Variants in MCM7 observed in about 807,000 individuals in gnomAD.
MCM7 encodes DNA replication licensing factor MCM7.
In MCM7, 95 loss-of-function variants were observed where a neutral mutation model predicts 83.5. The ratio of observed to expected loss-of-function variants is 1.14; its 90% CI spans 0.96 to 1.35. The LOEUF is 1.35. Among genes scored for constraint, MCM7 ranks in the 40% most tolerant of loss-of-function variants. The probability of loss-of-function intolerance (pLI) is 0.00; values close to 1 mark genes in which losing one functional copy is unlikely to be tolerated. For synonymous variants in MCM7, 461 were observed against 352.7 expected (o/e 1.31, Z -3.44); for missense variants, 1,087 against 957.4 (o/e 1.14, Z -1.79).
intron 11 of MCM7, 97 bp downstream of exon 11, chr7:100,095,677 T>C: frequency 1.4e-6 from 2 of 1,466,278 alleles, no homozygotes; most frequent in Non-Finnish European, 1.8e-6. Context: ...GGCTCTGGGG[T>C]TTCCAGGAGC....
Position 100,092,896 on chromosome 7 carries a change from G to T in MCM7, c.*36C>A, listed in dbSNP as rs369438938. 1 of 1,612,794 alleles carries T rather than the reference G, an allele frequency of 6.2e-7. No individual in the cohort carries two copies. Among genetic ancestry groups the T allele is most frequent in the South Asian group, 1.1e-5 (1 of 90,998 alleles). On this transcript the variant is annotated 3_prime_UTR_variant, in exon 15 of 15. Transcript: ENST00000303887. ...CCTTCCCAAGGGGCAGGCCAGCAGG[G>T]AACAAGAGGACCCCAGGGTTGCAAG... is the stretch of plus-strand genomic sequence containing the variant.
chr7:100,098,131 T>C lies in MCM7; in HGVS notation c.870+10A>G, dbSNP rs1795743912. ...GGATGATCCATTCCTCATGTCAAAC[T>C]CTTCCTTACCTGTACCACCTGTCGG... On this transcript the variant is annotated intron_variant, in intron 7 of 14. Transcript: ENST00000303887. 1 of 1,613,622 alleles carries C rather than the reference T, an allele frequency of 6.2e-7. No homozygotes were observed. Among genetic ancestry groups the C allele is most frequent in the Non-Finnish European group, 8.5e-7 (1 of 1,179,762 alleles).
At chr7:100,101,167 C>T in intron 1 of MCM7, 97 bp downstream of exon 1, 1 of 1,516,776 alleles carries the variant, frequency 6.6e-7, no homozygotes, top group Non-Finnish European at 9.1e-7. Context: ...CCCCAGAACC[C>T]GCCGACCCCG....
At chr7:100,098,773 T>C in intron 5 of MCM7, 58 bp from the exon 6 acceptor site, 1 of 1,600,234 alleles carries the variant, frequency 6.2e-7, no homozygotes, top group Non-Finnish European at 8.5e-7. Flanking sequence ...CCCCATTGGG[T>C]CGGTCCTTTG....
Position 100,094,345 on chromosome 7 carries a change from T to G in MCM7, c.1680-4A>C. The G allele has an allele frequency of 6.2e-7, 1 of 1,613,732 alleles. No individual in the cohort carries two copies. Among genetic ancestry groups the G allele is most frequent in the Non-Finnish European group, 8.5e-7 (1 of 1,179,966 alleles). On this transcript the variant is annotated splice_polypyrimidine_tract_variant and splice_region_variant and intron_variant, in intron 12 of 14. Transcript: ENST00000303887. ...GCGGCACATGGCTATGTAACGCCTG[T>G]GGGGGAAGGTTCATGGGGAAGCAGA...
Position 100,092,914 on chromosome 7 carries a change from G to A in MCM7, c.*18C>T, listed in dbSNP as rs557888704. 6.2e-7 allele frequency: 1 copy of A among 1,614,142 alleles called. No individual in the cohort carries two copies. Among genetic ancestry groups the A allele is most frequent in the East Asian group, 2.2e-5 (1 of 44,886 alleles). ...CAGCAGGGAACAAGAGGACCCCAGG[G>A]TTGCAAGCAGGCTGGAATCAGACAA... is the stretch of plus-strand genomic sequence containing the variant. On this transcript the variant is annotated 3_prime_UTR_variant, in exon 15 of 15. Transcript: ENST00000303887.
chr7:100,093,918 CAG>C, intron 13 of MCM7: 1 of 695,766 alleles, frequency 1.4e-6, no homozygotes. Flanking sequence ...TGGAGTGAAA[CAG>C]ACCCCAACCA....
rs1562896835 is a variant in MCM7, at chr7:100,097,884, T to G, written c.935A>C (p.Asp312Ala). ...GGTGAGCTCTCCAGCCCCAGACTCA[T>G]CATCCTCACTCTTGTTCATCTTCAC... The part of the protein sequence containing the change: ...RIVKMNKSED[D>A]ESGAGELTRE... The change falls in exon 8 of 15, where the codon GAT becomes GCT. Residue 312 changes from aspartate (D) to alanine (A), a missense_variant. By Grantham distance (126) the Asp-to-Ala change is moderately radical (BLOSUM62 -2). Transcript: ENST00000303887. The G allele has an allele frequency of 1.2e-6, 2 of 1,614,188 alleles. No individual in the cohort carries two copies. Among genetic ancestry groups the G allele is most frequent in the Admixed American group, 3.3e-5 (2 of 60,008 alleles).
intron 13 of MCM7, 187 bp downstream of exon 13, chr7:100,093,986 T>C (rs752156486): frequency 3.7e-6 from 3 of 804,224 alleles, no homozygotes; most frequent in African/African-American, 1.7e-5. Context: ...ACGGACGCTG[T>C]GCGTGCCCTG....
intron 3 of MCM7, 27 bp from the exon 4 acceptor site, chr7:100,099,430 A>C: frequency 6.3e-7 from 1 of 1,588,686 alleles, no homozygotes; most frequent in Non-Finnish European, 8.5e-7. Flanking sequence ...AAAAAAAAAA[A>C]AAAAAAGAGC....
intron 10 of MCM7, 66 bp from the exon 11 acceptor site, chr7:100,096,233 C>T: frequency 6.8e-7 from 1 of 1,480,244 alleles, no homozygotes; most frequent in Non-Finnish European, 9.0e-7. Context: ...CAAAAGACAA[C>T]AAACGGGCCA....
Position 100,101,288 on chromosome 7 carries a change from G to A in MCM7, c.7C>T (p.Leu3=). 1 of 1,613,286 alleles carries A rather than the reference G, an allele frequency of 6.2e-7. No individual in the cohort carries two copies. Among genetic ancestry groups the A allele is most frequent in the Non-Finnish European group, 8.5e-7 (1 of 1,179,900 alleles). ...CCCTTCTCTAGCGCGTAGTCCTTCA[G>A]TGCCATCGCTGCCGAGGGCCGTGCG... MA[L]KDYALEKEKV... The change falls in exon 1 of 15, where the codon CTG becomes TTG. Residue 3 remains leucine (L), a synonymous_variant. Transcript: ENST00000303887.
At chr7:100,100,448 C>G in intron 1 of MCM7, 1 of 1,004,556 alleles carries the variant, frequency 1.0e-6, no homozygotes, top group South Asian at 4.0e-5. Context: ...GTCCCCTTAG[C>G]CCCTGATTTC....
intron 12 of MCM7, 54 bp from the exon 13 acceptor site, chr7:100,094,395 A>G (rs1430445897): frequency 3.1e-6 from 5 of 1,600,642 alleles, no homozygotes; most frequent in African/African-American, 1.3e-5. Context: ...AAGGGAGTGA[A>G]TATGAGCCCA....
At chr7:100,099,890 C>T in intron 2 of MCM7, 124 bp downstream of exon 2, 2 of 1,420,708 alleles carry the variant, frequency 1.4e-6, no homozygotes, top group Non-Finnish European at 2.0e-6. Context: ...CCACACAGAG[C>T]GATACTCGCT....
At chr7:100,100,286 G>A in intron 1 of MCM7, 193 bp from the exon 2 acceptor site, 2 of 1,361,300 alleles carry the variant, frequency 1.5e-6, no homozygotes, top group East Asian at 3.0e-5. Flanking sequence ...AAGAGCCCGT[G>A]GCAGTGCACA....
intron 13 of MCM7, chr7:100,093,684 T>C (rs775392065): frequency 1.7e-5 from 12 of 699,728 alleles, no homozygotes; most frequent in South Asian, 1.6e-4. Context: ...GACCAGACCC[T>C]TTTGAACGCC....
At chr7:100,094,561 T>C (rs1248348887) in intron 12 of MCM7, among the ~76,000 whole-genome samples, 1 of 152,220 alleles carries the variant, frequency 6.6e-6, no homozygotes, top group East Asian at 1.9e-4. Context: ...CCAAGTTATT[T>C]CCTATTTTTT....
Position 100,099,726 on chromosome 7 carries a change from C to T in MCM7, c.139G>A (p.Ala47Thr). The T allele has an allele frequency of 6.2e-7, 1 of 1,614,088 alleles. No individual in the cohort carries two copies. Among genetic ancestry groups the T allele is most frequent in the Non-Finnish European group, 8.5e-7 (1 of 1,180,026 alleles). ...ACGTCGTCCAGGTCCACATACAGAG[C>T]CACCTGTTCCCGATGAGCCAGCCGA... The part of the protein sequence containing the change: ...LVRLAHREQV[A>T]LYVDLDDVAE... The change falls in exon 3 of 15, where the codon GCT becomes ACT. Residue 47 changes from alanine to threonine, a missense_variant. Coordinates refer to ENST00000303887, the MANE Select transcript of MCM7 (RefSeq NM_005916.5).
Sources: gnomAD v4.1 joint callset for allele counts (sites outside exome capture counted in the v4.1 genomes callset) on GRCh38, gnomAD v4.1.1 for gene constraint, MANE v1.5 for transcripts, NCBI Gene and HGNC (gene_info 2026-07-23, HGNC 2026-07-21) for gene names.